Variants in ARHGEF1 observed in about 807,000 individuals in gnomAD.
ARHGEF1 encodes the protein 115 kDa guanine nucleotide exchange factor.
ARHGEF1 carries 40 observed loss-of-function variants against 119.7 expected under a neutral mutation model. The observed-to-expected ratio is 0.33, with a 90% CI of 0.26 to 0.44. The LOEUF is 0.44. Among genes scored for constraint, ARHGEF1 ranks in the 20% least tolerant of loss-of-function variants. The probability of loss-of-function intolerance (pLI) is 1.00; values close to 1 mark genes in which losing one functional copy is unlikely to be tolerated. For synonymous variants in ARHGEF1, 494 were observed against 521.0 expected (o/e 0.95, Z 0.71); for missense variants, 976 against 1,268.3 (o/e 0.77, Z 3.50).
chr19:41,914,255 C>T (rs1043222511), intron 18 of ARHGEF1, among the ~76,000 whole-genome samples: 7 of 151,520 alleles, frequency 4.6e-5, no homozygotes, highest in East Asian at 1.9e-4. Flanking sequence ...CCATCTGCCC[C>T]GTCTCGGTAT....
chr19:41,907,542 C>T (rs1406191252), downstream of ARHGEF1: 3 of 743,088 alleles, frequency 4.0e-6, no homozygotes, highest in South Asian at 5.9e-5. Flanking sequence ...GTCTGTGCCT[C>T]TGCGCCTCCC....
At chr19:41,896,332 G>GCTC in intron 12 of ARHGEF1, 45 bp from the exon 13 acceptor site, 1 of 1,066,348 alleles carries the variant, frequency 9.4e-7, no homozygotes, top group South Asian at 3.2e-5. Flanking sequence ...TGGGTCTCGT[G>GCTC]GCCGCAGAGG....
In ARHGEF1 at chr19:41,903,812, GC is replaced by G. The variant is rs1568823687; in HGVS notation, c.1917+34del. 2.0e-5 allele frequency: 31 copies of G among 1,582,380 alleles called. No homozygotes were observed. Among genetic ancestry groups the G allele is most frequent in the Non-Finnish European group, 2.7e-5 (31 of 1,165,116 alleles). ...GTGACCATACCCTCCTGCCTCCCCC[GC>G]CCCCCTACTCCTTGGCCCAGGGGAT... On this transcript the variant is annotated intron_variant, in intron 20 of 28. Coordinates refer to ENST00000354532, the MANE Select transcript of ARHGEF1 (RefSeq NM_004706.4). The surrounding 1 kb of genome is among the most constrained non-coding windows in gnomAD (Gnocchi z 4.2).
chr19:41,889,293 GGAAAAA>G lies in ARHGEF1; in HGVS notation c.225+432_225+437del, dbSNP rs1192131218. 6.2e-6 allele frequency: 1 copy of G among 161,616 alleles called. No individual in the cohort carries two copies. Among genetic ancestry groups the G allele is most frequent in the Admixed American group, 5.9e-5 (1 of 16,830 alleles). 10.0% of individuals were successfully genotyped at this position (161,616 alleles called of 1,614,324 possible). ...CGCAGTCATTCACGGTTGATGGTTG[GGAAAAA>G]GAAGCTGTTAGCCATCCCAGGTCTA... is the stretch of plus-strand genomic sequence containing the variant. On this transcript the variant is annotated intron_variant, in intron 4 of 28. Coordinates refer to ENST00000354532, the MANE Select transcript of ARHGEF1 (RefSeq NM_004706.4). This position sits in a 1 kb window ranked among gnomAD's most constrained non-coding sequence, Gnocchi z 4.0.
Position 41,903,511 on chromosome 19 carries a change from T to A in ARHGEF1, c.1839+104T>A. 1 of 1,175,682 alleles carries A rather than the reference T, an allele frequency of 8.5e-7. No homozygotes were observed. The highest frequency in any genetic ancestry group is 1.2e-6 in the Non-Finnish European group (1 of 849,634). 72.8% of individuals were successfully genotyped at this position (1,175,682 alleles called of 1,614,324 possible). ...AAGTCACACCCCACCCCTTGGCTTG[T>A]CTCCCTCAAGGGTCACTGTGTCCAG... On this transcript the variant is annotated intron_variant, in intron 19 of 28. Transcript: ENST00000354532. This position sits in a 1 kb window ranked among gnomAD's most constrained non-coding sequence, Gnocchi z 4.2.
chr19:41,908,216 C>T (rs2074729262), downstream of ARHGEF1: 2 of 1,231,562 alleles, frequency 1.6e-6, no homozygotes, highest in Admixed American at 4.2e-5. The surrounding 1 kb of genome is among the most constrained non-coding windows in gnomAD (Gnocchi z 6.7). Flanking sequence ...GAATCCATTG[C>T]CCCCTGCCGG....
intron 1 of ARHGEF1, among the ~76,000 whole-genome samples, chr19:41,886,712 C>T (rs2074298971): frequency 6.6e-6 from 1 of 152,208 alleles, no homozygotes; most frequent in Admixed American, 6.5e-5. Context: ...CACAGGGTGG[C>T]ATTTGGACAC....
At chr19:41,908,629 G>A (rs1348958783), downstream of ARHGEF1, 14 of 1,231,666 alleles carry the variant, frequency 1.1e-5, no homozygotes, top group East Asian at 1.3e-4. The surrounding 1 kb of genome is among the most constrained non-coding windows in gnomAD (Gnocchi z 6.7). Context: ...GGGAAGGCGC[G>A]GCCATAAGGA....
chr19:41,892,223 C>A lies in ARHGEF1; in HGVS notation c.324+100C>A. 1 of 1,565,726 alleles carries A rather than the reference C, an allele frequency of 6.4e-7. No individual in the cohort carries two copies. Among genetic ancestry groups the A allele is most frequent in the South Asian group, 1.1e-5 (1 of 89,416 alleles). On this transcript the variant is annotated intron_variant, in intron 5 of 28. Transcript: ENST00000354532. This position sits in a 1 kb window ranked among gnomAD's most constrained non-coding sequence, Gnocchi z 6.3. The stretch of plus-strand genomic sequence containing the variant: ...TCTGCCCTGAGGGCAGCTGCTGACC[C>A]AGGCCTTCCCCAGCACCCTCGCTTA...
Position 41,907,222 on chromosome 19 carries a change from C to A in ARHGEF1, c.*135C>A. The A allele has an allele frequency of 6.6e-7, 1 of 1,519,904 alleles. No homozygotes were observed. 94.2% of individuals were successfully genotyped at this position (1,519,904 alleles called of 1,614,324 possible). On this transcript the variant is annotated 3_prime_UTR_variant, in exon 29 of 29. Transcript: ENST00000354532. ...GAGGAGAGGGAGCTGTGGGCCACGC[C>A]TGGGAGGGGCCCAGCTGGGGTTACT...
Position 41,904,837 on chromosome 19 carries a change from T to C in ARHGEF1, c.2162-112T>C, listed in dbSNP as rs2074664597. The C allele has an allele frequency of 2.3e-6, 2 of 863,190 alleles. No individual in the cohort carries two copies. The highest frequency in any genetic ancestry group is 3.8e-6 in the Non-Finnish European group (2 of 521,240). The allele number at this position is 863,190 out of a possible 1,614,324, so 53.5% of individuals were successfully genotyped here. A position where few individuals can be genotyped will look rare whatever the true frequency, so the allele number is the denominator to read the frequency against. On this transcript the variant is annotated intron_variant, in intron 22 of 28. Coordinates refer to ENST00000354532, the MANE Select transcript of ARHGEF1 (RefSeq NM_004706.4). The surrounding 1 kb of genome is among the most constrained non-coding windows in gnomAD (Gnocchi z 8.4). ...AGACAGTGAGTGGTGAGTTGAGCCATGGGAGCCCTGAGAGCGCCACCACTG... is the reference window on the plus strand; with the variant it reads ...AGACAGTGAGTGGTGAGTTGAGCCACGGGAGCCCTGAGAGCGCCACCACTG...
Position 41,898,469 on chromosome 19 carries a change from G to T in ARHGEF1, c.1149G>T (p.Pro383=). ...CCGAGCCTGGAGATGAGGGGGAGCC[G>T]GGGCGGTCGGGACTGGAGCTTGAAC... The part of the protein sequence containing the change: ...ESPEPGDEGE[P]GRSGLELEPE... Residue 383 remains proline (P), a synonymous_variant, in exon 14 of 29, where the codon CCG becomes CCT. Transcript: ENST00000354532. 1 of 1,548,102 alleles carries T rather than the reference G, an allele frequency of 6.5e-7. No individual in the cohort carries two copies.
At chr19:41,922,184 C>G (rs548948399), upstream of ARHGEF1, among the ~76,000 whole-genome samples, 1 of 152,216 alleles carries the variant, frequency 6.6e-6, no homozygotes, top group Non-Finnish European at 1.5e-5. Flanking sequence ...ACGGCAACCA[C>G]CAAGGGCCAG....
intron 18 of ARHGEF1, among the ~76,000 whole-genome samples, chr19:41,914,550 C>T (rs1403664583): frequency 1.6e-5 from 2 of 128,042 alleles, no homozygotes; most frequent in Non-Finnish European, 3.5e-5. Context: ...CCGTCTTTCC[C>T]TCCCCTTCCA....
downstream of ARHGEF1, chr19:41,910,207 G>T (rs1457873152): frequency 1.1e-5 from 12 of 1,062,046 alleles, no homozygotes; most frequent in Non-Finnish European, 1.3e-5. The surrounding 1 kb of genome is among the most constrained non-coding windows in gnomAD (Gnocchi z 4.4). Flanking sequence ...CCAGTCTCAG[G>T]CATCTTTAGG....
At chr19:41,920,763 G>C (rs566520901), upstream of ARHGEF1, among the ~76,000 whole-genome samples, 4 of 152,258 alleles carry the variant, frequency 2.6e-5, no homozygotes, top group Non-Finnish European at 5.9e-5. Context: ...AGGACACACA[G>C]AGGGACAGAA....
At chr19:41,928,736 A>G (rs1329312189) in intron 1 of ARHGEF1, 1 of 306,628 alleles carries the variant, frequency 3.3e-6, no homozygotes, top group Non-Finnish European at 6.3e-6. Flanking sequence ...CGATCCCGGG[A>G]CTGAGGGAGT....
chr19:41,907,032 T>TGTCTCTGTGTCTGTCTCTCCCTGTCTC (rs2074712568), intron 28 of ARHGEF1, 73 bp from the exon 29 acceptor site: 1 of 1,359,076 alleles, frequency 7.4e-7, no homozygotes, highest in African/African-American at 1.5e-5. Context: ...CTCCCTGTCT[T>TGTCTCTGTGTCTGTCTCTCCCTGTCTC]GTCTCTGTGT....
chr19:41,898,260 A>G (rs2074544654), intron 13 of ARHGEF1, 182 bp from the exon 14 acceptor site: 2 of 1,298,560 alleles, frequency 1.5e-6, no homozygotes, highest in Non-Finnish European at 1.0e-6. Context: ...AGGAGGGGGT[A>G]GAATGCTTCT....
Sources: allele counts gnomAD v4.1 joint callset (sites outside exome capture counted in the v4.1 genomes callset), GRCh38; gene constraint gnomAD v4.1.1; non-coding constraint Gnocchi (gnomAD v3.1); transcripts MANE v1.5; gene names NCBI Gene and HGNC (gene_info 2026-07-23, HGNC 2026-07-21).